The following EPB41L2 variants were observed in gnomAD, a reference collection of about 807,000 sequenced individuals.
The protein encoded by EPB41L2 is band 4.1-like protein 2.
Under a neutral mutation model 113.0 loss-of-function variants are expected in EPB41L2, and 43 were observed. The observed-to-expected ratio is 0.38, with a 90% CI of 0.30 to 0.49. The LOEUF is 0.49. EPB41L2 is among the 20% of genes least tolerant of loss of function. The pLI, the probability that EPB41L2 is intolerant of heterozygous loss-of-function variation, is 0.95. For missense variants in EPB41L2, 1,147 were observed against 1,223.4 expected, an observed-to-expected ratio of 0.94 and a Z score of 0.93; for synonymous variants, 442 against 436.7, an observed-to-expected ratio of 1.01 and a Z score of -0.15.
intron 3 of EPB41L2, among the ~76,000 whole-genome samples, chr6:130,945,483 C>T (rs1357296953): frequency 6.6e-6 from 1 of 152,128 alleles, no homozygotes; most frequent in Non-Finnish European, 1.5e-5. Flanking sequence ...AGAAACAATG[C>T]CCTTGATTCT....
At chr6:130,866,770 T>A (rs540101784) in intron 16 of EPB41L2, among the ~76,000 whole-genome samples, 1 of 152,360 alleles carries the variant, frequency 6.6e-6, no homozygotes, top group South Asian at 2.1e-4. Context: ...ATGCTTTATC[T>A]TTTTTTGTTA....
intron 18 of EPB41L2, among the ~76,000 whole-genome samples, chr6:130,860,463 GTTAA>G (rs1374246627): frequency 2.6e-5 from 4 of 152,200 alleles, no homozygotes; most frequent in African/African-American, 9.7e-5. Flanking sequence ...ACTGTAAAAT[GTTAA>G]TTTATTATGG....
chr6:130,881,549 G>A (rs1789304566), intron 12 of EPB41L2: 1 of 152,006 alleles, frequency 6.6e-6, no homozygotes, highest in Non-Finnish European at 1.5e-5. Flanking sequence ...GTGATTTACT[G>A]TATGTATTGG....
intron 10 of EPB41L2, among the ~76,000 whole-genome samples, chr6:130,891,808 A>G (rs987916380): frequency 4.6e-5 from 7 of 152,168 alleles, no homozygotes; most frequent in African/African-American, 1.2e-4. Context: ...TTGGCTATCA[A>G]TTAATAGATC....
intron 1 of EPB41L2, among the ~76,000 whole-genome samples, chr6:131,048,138 C>CAAAAAAAAAAAAAAAA (rs200522047): frequency 1.9e-5 from 1 of 53,032 alleles, no homozygotes; most frequent in African/African-American, 5.6e-5. Flanking sequence ...GACTCTGTCT[C>CAAAAAAAAAAAAAAAA]AAAAAAAAAA....
rs1157978290 is a variant in EPB41L2, at chr6:130,945,410, G to C, written c.705+9695C>G. Among the ~76,000 whole-genome samples the C allele has an allele frequency of 7.9e-5, 12 of 152,308 alleles. No individual in the cohort carries two copies. The East Asian group carries it at 1.2e-3, about 15-fold the overall frequency. The stretch of plus-strand genomic sequence containing the variant: ...TTTATCAACAGAACACTGATGAAGA[G>C]AGCCTACATTGTTAGCCTTATTCAT... On this transcript the variant is annotated intron_variant, in intron 3 of 19. Transcript: ENST00000337057.
intron 4 of EPB41L2, among the ~76,000 whole-genome samples, chr6:130,918,296 T>C (rs1349583851): frequency 6.6e-6 from 1 of 152,210 alleles, no homozygotes; most frequent in Non-Finnish European, 1.5e-5. Flanking sequence ...GAATATCAAC[T>C]ACATTTCTAA....
In EPB41L2 at chr6:130,973,005, G is replaced by A. The variant is rs1272513111; in HGVS notation, c.-14-16506C>T. Reference sequence around the variant, plus strand: ...CGCACGCCTGTAATCCCAGCTACTCGGGAGTCTGAGGCAGAAGAATCGCTT... The same window carrying A: ...CGCACGCCTGTAATCCCAGCTACTCAGGAGTCTGAGGCAGAAGAATCGCTT... On this transcript the variant is annotated intron_variant, in intron 1 of 19. Transcript: ENST00000337057. Among the ~76,000 whole-genome samples, 16 of 150,536 alleles carry A rather than the reference G, an allele frequency of 1.1e-4. No homozygotes were observed. The East Asian group carries it at 2.9e-3, about 28-fold the overall frequency.
intron 1 of EPB41L2, among the ~76,000 whole-genome samples, chr6:131,044,570 C>T (rs914609450): frequency 6.6e-6 from 1 of 152,046 alleles, no homozygotes; most frequent in African/African-American, 2.4e-5. Flanking sequence ...ATCATAAAAT[C>T]TTTAGCTTGG....
chr6:131,031,299 T>G (rs1792101445), intron 1 of EPB41L2, among the ~76,000 whole-genome samples: 1 of 151,468 alleles, frequency 6.6e-6, no homozygotes, highest in Admixed American at 6.6e-5. Context: ...ATACAGAGAT[T>G]TTTTTTTTAA....
chr6:131,017,521 T>A lies in EPB41L2; in HGVS notation c.-15+45634A>T, dbSNP rs540989397. 2.6e-5 allele frequency among the ~76,000 whole-genome samples: 4 copies of A among 152,354 alleles called. No homozygotes were observed. In the South Asian group the frequency reaches 8.3e-4, roughly 32 times the overall value. Reference sequence around the variant, plus strand: ...TTATGTTAATATATGTAGCTCTATGTAGTTCATATGCAGCTCACTCATTTT... The same window carrying A: ...TTATGTTAATATATGTAGCTCTATGAAGTTCATATGCAGCTCACTCATTTT... On this transcript the variant is annotated intron_variant, in intron 1 of 19. Transcript: ENST00000337057.
chr6:130,857,476 T>C (rs1780611932), intron 19 of EPB41L2, among the ~76,000 whole-genome samples: 2 of 152,072 alleles, frequency 1.3e-5, no homozygotes, highest in Non-Finnish European at 2.9e-5. Context: ...TCTATTGGCT[T>C]AACTGAAGTA....
chr6:130,965,763 A>G (rs894269488), intron 1 of EPB41L2, among the ~76,000 whole-genome samples: 46 of 152,312 alleles, frequency 3.0e-4, no homozygotes, highest in African/African-American at 1.0e-3. Context: ...GACATCCAAA[A>G]GTTTAATCAT....
In EPB41L2 at chr6:130,886,017, C is replaced by A. The variant is rs552010299; in HGVS notation, c.1661-749G>T. ...AAACCAAGACTACCTCAAACATCAG[C>A]AAGGCAAAGTGAGTAGTAGGTGGCA... On this transcript the variant is annotated intron_variant, in intron 11 of 19. Coordinates refer to ENST00000337057, the MANE Select transcript of EPB41L2 (RefSeq NM_001431.4). Among the ~76,000 whole-genome samples, 14 of 152,282 alleles carry A rather than the reference C, an allele frequency of 9.2e-5. No individual in the cohort carries two copies. The East Asian group carries it at 2.7e-3, about 29-fold the overall frequency.
At chr6:131,025,601 T>C (rs1319268067) in intron 1 of EPB41L2, among the ~76,000 whole-genome samples, 1 of 152,202 alleles carries the variant, frequency 6.6e-6, no homozygotes, top group Non-Finnish European at 1.5e-5. Flanking sequence ...TGACTCCCCC[T>C]TGGGCTTTCA....
intron 1 of EPB41L2, among the ~76,000 whole-genome samples, chr6:130,996,783 G>T (rs1027388902): frequency 2.6e-5 from 4 of 152,322 alleles, no homozygotes; most frequent in African/African-American, 9.6e-5. Flanking sequence ...AACCAAAATG[G>T]TAACGGTAAT....
intron 4 of EPB41L2, among the ~76,000 whole-genome samples, chr6:130,916,822 C>T (rs760837972): frequency 3.9e-5 from 6 of 152,336 alleles, no homozygotes; most frequent in Non-Finnish European, 7.3e-5. Context: ...GTGGAGCCAA[C>T]GCTGCTGGTC....
intron 3 of EPB41L2, among the ~76,000 whole-genome samples, chr6:130,941,761 T>C (rs902956528): frequency 6.6e-6 from 1 of 152,180 alleles, no homozygotes; most frequent in Non-Finnish European, 1.5e-5. Flanking sequence ...CAGGCTAAAA[T>C]GGCATATTCT....
chr6:130,902,417 C>T (rs1326497382), intron 6 of EPB41L2, among the ~76,000 whole-genome samples: 1 of 152,202 alleles, frequency 6.6e-6, no homozygotes, highest in Non-Finnish European at 1.5e-5. Flanking sequence ...TGTTTATCAT[C>T]ACTATAGTCC....
Sources: gnomAD v4.1 joint callset for allele counts (sites outside exome capture counted in the v4.1 genomes callset) on GRCh38, gnomAD v4.1.1 for gene constraint, MANE v1.5 for transcripts, NCBI Gene and HGNC (gene_info 2026-07-23, HGNC 2026-07-21) for gene names.